Variants in PRKAR2B observed in about 807,000 individuals in gnomAD.
PRKAR2B encodes the protein protein kinase cAMP-dependent type II regulatory subunit beta.
PRKAR2B carries 14 observed loss-of-function variants against 49.9 expected under a neutral mutation model. The ratio of observed to expected loss-of-function variants is 0.28; its 90% CI spans 0.19 to 0.44. PRKAR2B has a LOEUF of 0.44. PRKAR2B is among the 20% of genes least tolerant of loss of function. The pLI, the probability that PRKAR2B is intolerant of heterozygous loss-of-function variation, is 1.00. For missense variants in PRKAR2B, 393 were observed against 537.9 expected, an observed-to-expected ratio of 0.73 and a Z score of 2.67; for synonymous variants, 196 against 197.7, an observed-to-expected ratio of 0.99 and a Z score of 0.07.
chr7:107,047,202 C>G (rs1793714909), intron 1 of PRKAR2B, among the ~76,000 whole-genome samples: 1 of 152,208 alleles, frequency 6.6e-6, no homozygotes, highest in South Asian at 2.1e-4. Context: ...GAGGCACATA[C>G]ATCTGTATAA....
chr7:107,150,492 A>G (rs1164368532), intron 6 of PRKAR2B, among the ~76,000 whole-genome samples: 1 of 152,134 alleles, frequency 6.6e-6, no homozygotes, highest in Non-Finnish European at 1.5e-5. Flanking sequence ...AGCATTTATA[A>G]TTTCTTTGGG....
chr7:107,087,431 T>C (rs947299726), intron 2 of PRKAR2B, among the ~76,000 whole-genome samples: 2 of 152,164 alleles, frequency 1.3e-5, no homozygotes, highest in Non-Finnish European at 2.9e-5. Flanking sequence ...CTTTAAATAA[T>C]CATAATAGCT....
At chr7:107,050,685 G>A (rs1295365872) in intron 1 of PRKAR2B, among the ~76,000 whole-genome samples, 1 of 152,124 alleles carries the variant, frequency 6.6e-6, no homozygotes, top group African/African-American at 2.4e-5. Context: ...GAAGAAGACT[G>A]AAGTGACTAA....
Position 107,135,306 on chromosome 7 carries a change from T to G in PRKAR2B, c.481-5541T>G, listed in dbSNP as rs148492258. Among the ~76,000 whole-genome samples the G allele has an allele frequency of 8.2e-3, 1,248 of 152,256 alleles. 21 individuals carry two copies. Among genetic ancestry groups the G allele is most frequent in the African/African-American group, 0.028 (1,159 of 41,564 alleles). ...AAAAAAGGAAAATAAAGTGATTAAT[T>G]TTATGTTATGTGAATTTCACCTCAA... On this transcript the variant is annotated intron_variant, in intron 4 of 10. Transcript: ENST00000265717.
chr7:107,077,145 G>T (rs999476388), intron 2 of PRKAR2B: 3 of 152,046 alleles, frequency 2.0e-5, no homozygotes, highest in African/African-American at 7.2e-5. Context: ...TTCATATTTT[G>T]TTTTTTGAAA....
At chr7:107,101,875 CTTTTTTT>C (rs10589473) in intron 2 of PRKAR2B, among the ~76,000 whole-genome samples, 1 of 94,256 alleles carries the variant, frequency 1.1e-5, no homozygotes. Context: ...AGCCCTGATC[CTTTTTTT>C]TTTTTTTTTT....
chr7:107,063,104 A>G (rs1172567764), intron 1 of PRKAR2B, among the ~76,000 whole-genome samples: 1 of 152,038 alleles, frequency 6.6e-6, no homozygotes, highest in East Asian at 1.9e-4. Context: ...CCCAGGTTTG[A>G]GCGATTCTCA....
chr7:107,096,688 C>T (rs927448843), intron 2 of PRKAR2B, among the ~76,000 whole-genome samples: 1 of 152,162 alleles, frequency 6.6e-6, no homozygotes, highest in African/African-American at 2.4e-5. Flanking sequence ...TTAAATGTGT[C>T]CCAGAGATTC....
intron 1 of PRKAR2B, among the ~76,000 whole-genome samples, chr7:107,065,322 A>ATGTG (rs71134248): frequency 0.01 from 1,439 of 143,722 alleles, 9 homozygotes; most frequent in Middle Eastern, 0.024. Flanking sequence ...GGGTGTGTGT[A>ATGTG]TGTGTGTGTG....
At chr7:107,047,135 C>T (rs939032335) in intron 1 of PRKAR2B, among the ~76,000 whole-genome samples, 2 of 152,114 alleles carry the variant, frequency 1.3e-5, no homozygotes, top group African/African-American at 4.8e-5. Context: ...CTAGCCTCAC[C>T]CCCAAGGACT....
Position 107,157,316 on chromosome 7 carries a change from A to G in PRKAR2B, c.1115A>G (p.Lys372Arg), listed in dbSNP as rs1796110513. The G allele has an allele frequency of 6.2e-7, 1 of 1,612,860 alleles. No homozygotes were observed. ...TCTGCCCACGCCATTGGGACTGTCA[A>G]ATGTTTAGGTAGGGATTGCAACAGT... ...AASAHAIGTV[K>R]CLAMDVQAFE... The change falls in exon 10 of 11, where the codon AAA becomes AGA. Residue 372 changes from lysine to arginine, a missense_variant. By Grantham distance (26) the Lys-to-Arg change is conservative. Transcript: ENST00000265717.
intron 1 of PRKAR2B, among the ~76,000 whole-genome samples, chr7:107,051,795 A>T (rs1011222385): frequency 5.3e-5 from 8 of 152,110 alleles, no homozygotes; most frequent in African/African-American, 9.7e-5. Flanking sequence ...TTTCTTAATT[A>T]AAAAAAAGAC....
At position 107,160,495 on chromosome 7, in the gene PRKAR2B, A is replaced by G. The variant is rs1046596258; in HGVS notation, c.*913A>G. The G allele has an allele frequency of 3.3e-5, 5 of 152,312 alleles. No individual in the cohort carries two copies. Among genetic ancestry groups the G allele is most frequent in the African/African-American group, 7.2e-5 (3 of 41,582 alleles). 9.4% of individuals were successfully genotyped at this position (152,312 alleles called of 1,614,324 possible). On this transcript the variant is annotated 3_prime_UTR_variant, in exon 11 of 11. Transcript: ENST00000265717. ...CCAAAAATAATGTGGGATCCTTATC[A>G]GCATGCCCACAGTTTATTTCTTTGT...
rs552210825 is a variant in PRKAR2B, at chr7:107,158,623, A to T, written c.1124-826A>T. ...TTGTGGGGAGCAATTTTTTGTGCAT[A>T]GAAGACTTTTCTGTATTATAGGAGT... On this transcript the variant is annotated intron_variant, in intron 10 of 10. Coordinates refer to ENST00000265717, the MANE Select transcript of PRKAR2B (RefSeq NM_002736.3). Among the ~76,000 whole-genome samples the T allele has an allele frequency of 1.6e-4, 25 of 152,302 alleles. 1 individual carries two copies. The South Asian group carries it at 5.2e-3, about 32-fold the overall frequency.
chr7:107,150,709 A>C (rs1795968668), intron 6 of PRKAR2B, among the ~76,000 whole-genome samples: 1 of 146,904 alleles, frequency 6.8e-6, no homozygotes, highest in Admixed American at 6.8e-5. Flanking sequence ...AAAAAAAAAA[A>C]AAAAAAAAAA....
chr7:107,064,668 C>T (rs933871957), intron 1 of PRKAR2B, among the ~76,000 whole-genome samples: 2 of 152,086 alleles, frequency 1.3e-5, no homozygotes, highest in African/African-American at 4.8e-5. Flanking sequence ...CCTTTGAGCC[C>T]CTTCACAGGC....
At chr7:107,063,965 C>A (rs193052770) in intron 1 of PRKAR2B, among the ~76,000 whole-genome samples, 1 of 152,274 alleles carries the variant, frequency 6.6e-6, no homozygotes, top group African/African-American at 2.4e-5. Flanking sequence ...TCTGACCGTA[C>A]AGACTTAAAA....
At chr7:107,149,023 C>A (rs1795940164) in intron 6 of PRKAR2B, among the ~76,000 whole-genome samples, 1 of 152,154 alleles carries the variant, frequency 6.6e-6, no homozygotes, top group African/African-American at 2.4e-5. Flanking sequence ...TTTGCAATAA[C>A]CGCTGTCCAT....
intron 2 of PRKAR2B, among the ~76,000 whole-genome samples, chr7:107,112,137 G>A (rs1002193673): frequency 7.8e-6 from 1 of 127,562 alleles, no homozygotes. Context: ...TTGCACCATT[G>A]CACTCCACCC....
Sources: allele counts gnomAD v4.1 joint callset (sites outside exome capture counted in the v4.1 genomes callset), GRCh38; gene constraint gnomAD v4.1.1; transcripts MANE v1.5; gene names NCBI Gene and HGNC (gene_info 2026-07-23, HGNC 2026-07-21).